ZNF26: variants seen among roughly 807,000 people sequenced by gnomAD.
The protein encoded by ZNF26 is epididymis luminal protein 179.
A neutral mutation model predicts 54.9 loss-of-function variants in ZNF26; 32 were observed. The ratio of observed to expected loss-of-function variants is 0.58; its 90% CI spans 0.44 to 0.78. The LOEUF (loss-of-function observed/expected upper bound fraction) is 0.78, where lower values mean the gene tolerates loss of function less well. ZNF26 is among the 30% of genes least tolerant of loss of function. The pLI is 0.00. For missense variants in ZNF26, 524 were observed against 634.0 expected, an observed-to-expected ratio of 0.83 and a Z score of 1.86; for synonymous variants, 221 against 209.2, an observed-to-expected ratio of 1.06 and a Z score of -0.49.
Position 132,986,725 on chromosome 12 carries a change from G to T in ZNF26, c.-116G>T. 1 of 1,195,480 alleles carries T rather than the reference G, an allele frequency of 8.4e-7. No individual in the cohort carries two copies. Among genetic ancestry groups the T allele is most frequent in the South Asian group, 1.4e-5 (1 of 71,218 alleles). The allele number at this position is 1,195,480 out of a possible 1,614,324, so 74.1% of individuals were successfully genotyped here. Reference sequence around the variant, plus strand: ...CTGCCAACGACTCGGCCCCGGGACGGTCAGGAGCCTGGGGCCCTGGTCCCG... The same window carrying T: ...CTGCCAACGACTCGGCCCCGGGACGTTCAGGAGCCTGGGGCCCTGGTCCCG... On this transcript the variant is annotated 5_prime_UTR_variant, in exon 1 of 4. Transcript: ENST00000328654.
At chr12:132,993,703 C>T (rs796078770) in intron 1 of ZNF26, among the ~76,000 whole-genome samples, 14 of 151,634 alleles carry the variant, frequency 9.2e-5, no homozygotes, top group Non-Finnish European at 1.5e-4. Flanking sequence ...TGATCTACCC[C>T]CCTCGGCCTC....
At position 133,010,700 on chromosome 12, in the gene ZNF26, T is replaced by C; in HGVS notation, c.821T>C (p.Leu274Pro). 2 of 1,613,674 alleles carry C rather than the reference T, an allele frequency of 1.2e-6. No individual in the cohort carries two copies. Among genetic ancestry groups the C allele is most frequent in the Non-Finnish European group, 1.7e-6 (2 of 1,179,730 alleles). ...GKAYSWKSQL[L>P]LHQRSHTGVK... is the part of the protein sequence containing the mutation. ...GCCTACAGTTGGAAATCACAGCTTCTTTTACACCAGAGAAGTCACACAGGA... is the reference window on the plus strand; with the variant it reads ...GCCTACAGTTGGAAATCACAGCTTCCTTTACACCAGAGAAGTCACACAGGA... The change falls in exon 4 of 4, where the codon CTT becomes CCT. Residue 274 changes from leucine (L) to proline (P), a missense_variant. Leu to Pro is a moderately conservative substitution (Grantham distance 98). Transcript: ENST00000328654.
intron 3 of ZNF26, among the ~76,000 whole-genome samples, chr12:133,008,417 C>T (rs1359134367): frequency 6.6e-6 from 1 of 152,158 alleles, no homozygotes; most frequent in Non-Finnish European, 1.5e-5. Flanking sequence ...AGTTCTCTCT[C>T]CCGTATGTTC....
At chr12:133,003,170 G>A (rs1272030186) in intron 1 of ZNF26, among the ~76,000 whole-genome samples, 9 of 152,082 alleles carry the variant, frequency 5.9e-5, no homozygotes, top group South Asian at 2.1e-4. Flanking sequence ...TTTTGCTCAC[G>A]GAAGTCAGTT....
intron 1 of ZNF26, chr12:132,987,633 C>A: frequency 1.1e-6 from 1 of 895,674 alleles, no homozygotes; most frequent in Non-Finnish European, 1.3e-6. Context: ...ATGACTTTCG[C>A]AGGTGTTGAA....
intron 1 of ZNF26, among the ~76,000 whole-genome samples, chr12:133,002,585 T>A (rs1430416154): frequency 2.6e-5 from 4 of 151,838 alleles, no homozygotes; most frequent in African/African-American, 7.3e-5. Context: ...TCCCTCTGTC[T>A]CATGACTCTG....
intron 3 of ZNF26, among the ~76,000 whole-genome samples, chr12:133,009,101 C>T (rs7956081): frequency 0.48 from 72,308 of 152,038 alleles, 18,813 homozygotes; most frequent in East Asian, 0.76. Flanking sequence ...GGCCCCACCT[C>T]CAGCACTAGA....
chr12:132,998,870 A>G (rs1229738180), intron 1 of ZNF26, among the ~76,000 whole-genome samples: 1 of 152,272 alleles, frequency 6.6e-6, no homozygotes, highest in Non-Finnish European at 1.5e-5. Flanking sequence ...CTCTATTGCC[A>G]TAAAATCAGA....
intron 1 of ZNF26, among the ~76,000 whole-genome samples, chr12:133,002,002 A>G (rs1188275026): frequency 6.6e-6 from 1 of 152,048 alleles, no homozygotes; most frequent in Non-Finnish European, 1.5e-5. Context: ...GTTTGAGAGG[A>G]TGGATACCCG....
rs924646914 is a variant in ZNF26, at chr12:133,011,142, C to T, written c.1263C>T (p.Thr421=). 6.3e-5 allele frequency: 101 copies of T among 1,613,966 alleles called. No homozygotes were observed. The South Asian group carries it at 7.5e-4, about 12-fold the overall frequency. Residue 421 remains threonine, a synonymous_variant, in exon 4 of 4, where the codon ACC becomes ACT. Coordinates refer to ENST00000328654, the MANE Select transcript of ZNF26 (RefSeq NM_019591.4). ...TTGTTATACATAGGAGAACACACAC[C>T]GGAGAGAGACCCTATGAATGTAGTT... ...SYLVIHRRTH[T]GERPYECSLC... is the part of the protein sequence containing the mutation.
At position 133,007,726 on chromosome 12, in the gene ZNF26, C is replaced by T. The variant is rs1953361687; in HGVS notation, c.256+194C>T. On this transcript the variant is annotated intron_variant, in intron 3 of 3. Transcript: ENST00000328654. ...CTCTTCATATATTTGGGTTTTTCTT[C>T]CCCCTTACTGTTGAGAGGCAGGCAT... Among the ~76,000 whole-genome samples, 7 of 152,272 alleles carry T rather than the reference C, an allele frequency of 4.6e-5. No homozygotes were observed. The South Asian group carries it at 1.5e-3, about 32-fold the overall frequency.
Position 132,997,469 on chromosome 12 carries a change from G to C in ZNF26, c.34-9573G>C, listed in dbSNP as rs1304519676. ...GCTTCCAAGATAGAGTCCAGAACAGGGGTTAATCAGAAGCCCACATGGTCG... is the reference window on the plus strand; with the variant it reads ...GCTTCCAAGATAGAGTCCAGAACAGCGGTTAATCAGAAGCCCACATGGTCG... On this transcript the variant is annotated intron_variant, in intron 1 of 3. Transcript: ENST00000328654. Among the ~76,000 whole-genome samples, 5 of 149,354 alleles carry C rather than the reference G, an allele frequency of 3.3e-5. No individual in the cohort carries two copies. In the East Asian group the frequency reaches 9.6e-4, roughly 29 times the overall value.
In ZNF26 at chr12:133,023,536, C is replaced by A. The variant is rs1953667740; in HGVS notation, c.*12055C>A. On this transcript the variant is annotated 3_prime_UTR_variant, in exon 4 of 4. Transcript: ENST00000328654. Reference sequence around the variant, plus strand: ...TGAAAATTTTCTGAGTAAATGAAATCCAGGTCTCTTTCGCCATACATTTGT... The same window carrying A: ...TGAAAATTTTCTGAGTAAATGAAATACAGGTCTCTTTCGCCATACATTTGT... 6.6e-6 allele frequency: 1 copy of A among 152,118 alleles called. No individual in the cohort carries two copies. The highest frequency in any genetic ancestry group is 2.1e-4 in the South Asian group (1 of 4,822). 9.4% of individuals were successfully genotyped at this position (152,118 alleles called of 1,614,324 possible). A position where few individuals can be genotyped will look rare whatever the true frequency, so the allele number is the denominator to read the frequency against.
In ZNF26 at chr12:133,023,465, G is replaced by A. The variant is rs1329278054; in HGVS notation, c.*11984G>A. 6.6e-6 allele frequency: 1 copy of A among 152,082 alleles called. No homozygotes were observed. The highest frequency in any genetic ancestry group is 1.5e-5 in the Non-Finnish European group (1 of 68,026). 9.4% of individuals were successfully genotyped at this position (152,082 alleles called of 1,614,324 possible). A position where few individuals can be genotyped will look rare whatever the true frequency, so the allele number is the denominator to read the frequency against. On this transcript the variant is annotated 3_prime_UTR_variant, in exon 4 of 4. Transcript: ENST00000328654. ...TTTTATAACCTTTACACCAAATCAGGATAGAGACAGTAGAAGAAAAAATAA... is the reference window on the plus strand; with the variant it reads ...TTTTATAACCTTTACACCAAATCAGAATAGAGACAGTAGAAGAAAAAATAA...
chr12:133,010,233 A>T lies in ZNF26; in HGVS notation c.354A>T (p.Lys118Asn), dbSNP rs1481687470. 6 of 1,613,944 alleles carry T rather than the reference A, an allele frequency of 3.7e-6. No homozygotes were observed. The highest frequency in any genetic ancestry group is 1.3e-5 in the African/African-American group (1 of 74,904). Reference sequence around the variant, plus strand: ...TGTTGGGAAGACTTAATCTGAGCAAAACCCATGATTCTTCAAGACAGAGAC... The same window carrying T: ...TGTTGGGAAGACTTAATCTGAGCAATACCCATGATTCTTCAAGACAGAGAC... Reference protein sequence around the residue: ...CSVLGRLNLSKTHDSSRQRLY... With the variant: ...CSVLGRLNLSNTHDSSRQRLY... The change falls in exon 4 of 4, where the codon AAA (lysine) becomes AAT (asparagine). Residue 118 changes from lysine (K) to asparagine (N), a missense_variant. Physicochemically the swap from Lys to Asn is moderately conservative, Grantham distance 94 (BLOSUM62 0). Coordinates refer to ENST00000328654, the MANE Select transcript of ZNF26 (RefSeq NM_019591.4).
chr12:133,011,017 G>T lies in ZNF26; in HGVS notation c.1138G>T (p.Gly380Cys). The T allele has an allele frequency of 6.2e-7, 1 of 1,613,760 alleles. No homozygotes were observed. Among genetic ancestry groups the T allele is most frequent in the Non-Finnish European group, 8.5e-7 (1 of 1,179,932 alleles). Reference protein sequence around the residue: ...YQCGECGKAFGRKEQLTAHLR... With the variant: ...YQCGECGKAFCRKEQLTAHLR... ...ATGCGGTGAATGTGGGAAAGCCTTTGGTAGGAAGGAACAGCTCACTGCACA... is the reference window on the plus strand; with the variant it reads ...ATGCGGTGAATGTGGGAAAGCCTTTTGTAGGAAGGAACAGCTCACTGCACA... The change falls in exon 4 of 4, where the codon GGT becomes TGT. Residue 380 changes from glycine to cysteine, a missense_variant. By Grantham distance (159) the Gly-to-Cys change is radical. Transcript: ENST00000328654.
chr12:132,999,464 T>G (rs1442847427), intron 1 of ZNF26, among the ~76,000 whole-genome samples: 7 of 152,002 alleles, frequency 4.6e-5, no homozygotes, highest in Non-Finnish European at 1.0e-4. Context: ...ACTGTGTTAG[T>G]CAGGATGGTC....
In ZNF26 at chr12:133,023,217, A is replaced by AT. The variant is rs2137286377; in HGVS notation, c.*11738dup. On this transcript the variant is annotated 3_prime_UTR_variant, in exon 4 of 4. Transcript: ENST00000328654. ...TTTTCAGTTTTCTAGAATACTGCAC[A>AT]TTATCAAAACTGACCAAAGCAGAAA... 1 of 152,348 alleles carries AT rather than the reference A, an allele frequency of 6.6e-6. No individual in the cohort carries two copies. Among genetic ancestry groups the AT allele is most frequent in the African/African-American group, 2.4e-5 (1 of 41,582 alleles). The allele number at this position is 152,348 out of a possible 1,614,324, so 9.4% of individuals were successfully genotyped here.
At position 133,020,139 on chromosome 12, in the gene ZNF26, A is replaced by T. The variant is rs1487986744; in HGVS notation, c.*8658A>T. ...AAAATCAGAGCCCATCAACAAATGG[A>T]TAAAGAAAGTGTGATATATATAAAC... On this transcript the variant is annotated 3_prime_UTR_variant, in exon 4 of 4. Transcript: ENST00000328654. The T allele has an allele frequency of 6.6e-6, 1 of 152,192 alleles. No homozygotes were observed. The highest frequency in any genetic ancestry group is 1.5e-5 in the Non-Finnish European group (1 of 68,040). The allele number at this position is 152,192 out of a possible 1,614,324, so 9.4% of individuals were successfully genotyped here.
Sources: allele counts gnomAD v4.1 joint callset (sites outside exome capture counted in the v4.1 genomes callset), GRCh38; gene constraint gnomAD v4.1.1; transcripts MANE v1.5; gene names NCBI Gene and HGNC (gene_info 2026-07-23, HGNC 2026-07-21).